The following RGS6 variants were observed in gnomAD, a reference collection of about 807,000 sequenced individuals.
RGS6 encodes the protein regulator of G protein signaling 6.
In RGS6, 30 loss-of-function variants were observed where a neutral mutation model predicts 78.5. That is an observed-to-expected ratio of 0.38 (90% CI 0.29 to 0.52). RGS6 has a LOEUF of 0.52. Among genes scored for constraint, RGS6 ranks in the 20% least tolerant of loss-of-function variants. The pLI is 0.85. For synonymous variants in RGS6, 206 were observed against 206.0 expected (o/e 1.00, Z 0.00); for missense variants, 495 against 609.7 (o/e 0.81, Z 1.98).
intron 17 of RGS6, chr14:72,547,470 T>A: frequency 1.4e-6 from 1 of 716,796 alleles, no homozygotes; most frequent in Non-Finnish European, 2.3e-6. Context: ...GTGTCCCTGG[T>A]TTGAGTTGAG....
At chr14:72,547,384 A>T (rs906201245) in intron 17 of RGS6, 25 of 1,236,642 alleles carry the variant, frequency 2.0e-5, no homozygotes, top group Non-Finnish European at 1.9e-5. Flanking sequence ...CCCCCCCCCG[A>T]CCCATGGAAG....
intron 2 of RGS6, among the ~76,000 whole-genome samples, chr14:72,310,369 T>C (rs989287387): frequency 4.6e-5 from 7 of 152,178 alleles, no homozygotes; most frequent in African/African-American, 7.2e-5. Context: ...CCTCCCTGGG[T>C]ATAAAATACT....
intron 1 of RGS6, among the ~76,000 whole-genome samples, chr14:71,939,303 G>A (rs548698754): frequency 1.3e-5 from 2 of 152,304 alleles, no homozygotes; most frequent in South Asian, 4.2e-4. Context: ...TGGGGTAGAA[G>A]GTCCCTGAAT....
chr14:72,519,630 C>T (rs1262498527), intron 15 of RGS6, among the ~76,000 whole-genome samples: 1 of 152,226 alleles, frequency 6.6e-6, no homozygotes, highest in East Asian at 1.9e-4. Context: ...CGAGCTCCAT[C>T]AAATGCCTGT....
intron 3 of RGS6, among the ~76,000 whole-genome samples, chr14:72,378,011 A>G (rs953416590): frequency 6.6e-6 from 1 of 152,174 alleles, no homozygotes; most frequent in African/African-American, 2.4e-5. Flanking sequence ...TTTATCAAGT[A>G]TTTAATCTGA....
At chr14:72,599,803 A>G in the RGS6 span, among the ~76,000 whole-genome samples, 1 of 151,898 alleles carries the variant, frequency 6.6e-6, no homozygotes, top group African/African-American at 2.4e-5. Flanking sequence ...GGAGGAACTG[A>G]TAAGATTTTA....
intron 2 of RGS6, among the ~76,000 whole-genome samples, chr14:72,129,052 G>A (rs1215365943): frequency 3.9e-5 from 6 of 152,002 alleles, no homozygotes; most frequent in Non-Finnish European, 1.5e-5. Flanking sequence ...AACTCCTATC[G>A]ATCGTTTAGA....
chr14:72,561,741 G>A (rs533580887), intron 17 of RGS6, among the ~76,000 whole-genome samples: 28 of 152,312 alleles, frequency 1.8e-4, no homozygotes, highest in Admixed American at 1.5e-3. Context: ...AGGCTTTCCT[G>A]GTATGGGGTC....
Position 72,563,135 on chromosome 14 carries a change from G to T in RGS6, c.*668G>T, listed in dbSNP as rs533979312. On this transcript the variant is annotated 3_prime_UTR_variant, in exon 18 of 18. Coordinates refer to ENST00000553525, the MANE Select transcript of RGS6 (RefSeq NM_001204424.2). ...CGTTCGGAGAGGTCCCCGCCAGCCC[G>T]GTGGCTGCCCTCAGGTCCCGTCACA... The T allele has an allele frequency of 3.6e-6, 1 of 277,554 alleles. No individual in the cohort carries two copies. Among genetic ancestry groups the T allele is most frequent in the Admixed American group, 4.3e-5 (1 of 23,402 alleles). The allele number at this position is 277,554 out of a possible 1,614,324, so 17.2% of individuals were successfully genotyped here. A position where few individuals can be genotyped will look rare whatever the true frequency, so the allele number is the denominator to read the frequency against.
chr14:72,041,347 T>G (rs112001653), intron 2 of RGS6, among the ~76,000 whole-genome samples: 11 of 152,322 alleles, frequency 7.2e-5, no homozygotes, highest in African/African-American at 2.6e-4. Flanking sequence ...GTTTGCTAAT[T>G]TCTTTTTCAA....
At chr14:72,626,821 AT>A in the RGS6 span, among the ~76,000 whole-genome samples, 2 of 152,058 alleles carry the variant, frequency 1.3e-5, no homozygotes, top group Non-Finnish European at 2.9e-5. Flanking sequence ...CATTTTTCCC[AT>A]AGCTTCATCA....
intron 3 of RGS6, among the ~76,000 whole-genome samples, chr14:72,422,026 A>C (rs1597301719): frequency 6.6e-6 from 1 of 152,190 alleles, no homozygotes; most frequent in African/African-American, 2.4e-5. Flanking sequence ...GGTCTTTCCC[A>C]TGCTGTTCTT....
chr14:72,416,144 C>CA (rs5809572), intron 3 of RGS6, among the ~76,000 whole-genome samples: 4,689 of 96,882 alleles, frequency 0.048, 229 homozygotes, highest in African/African-American at 0.15. Context: ...GACTCTGTCT[C>CA]AAAAAAAAAA....
chr14:71,931,961 G>T (rs759597073), upstream of RGS6, among the ~76,000 whole-genome samples: 1 of 152,186 alleles, frequency 6.6e-6, no homozygotes, highest in Non-Finnish European at 1.5e-5. Flanking sequence ...TGACGGTCGC[G>T]GTGTCCCGTT....
At chr14:71,890,895 A>G in the RGS6 span, among the ~76,000 whole-genome samples, 1 of 152,340 alleles carries the variant, frequency 6.6e-6, no homozygotes, top group Non-Finnish European at 1.5e-5. Context: ...TTCTTTTTAC[A>G]TCTCAAACTG....
chr14:72,479,467 C>A (rs1295917881), intron 12 of RGS6, among the ~76,000 whole-genome samples: 1 of 152,216 alleles, frequency 6.6e-6, no homozygotes, highest in East Asian at 1.9e-4. Context: ...AGTAGTCCCC[C>A]ACCACCACAG....
Position 72,155,543 on chromosome 14 carries a change from T to C in RGS6, c.84+190668T>C, listed in dbSNP as rs141709612. ...GGAGAAATGACCTGTTACCAAAGTG[T>C]CATGAAACCCACATTAATGAGCTGG... On this transcript the variant is annotated intron_variant, in intron 2 of 17. Coordinates refer to ENST00000553525, the MANE Select transcript of RGS6 (RefSeq NM_001204424.2). Among the ~76,000 whole-genome samples, 967 of 152,338 alleles carry C rather than the reference T, an allele frequency of 6.3e-3. 6 individuals carry two copies. The highest frequency in any genetic ancestry group is 0.037 in the Middle Eastern group (11 of 294).
At chr14:72,045,025 C>G (rs1407206371) in intron 2 of RGS6, among the ~76,000 whole-genome samples, 1 of 152,192 alleles carries the variant, frequency 6.6e-6, no homozygotes, top group Non-Finnish European at 1.5e-5. Flanking sequence ...GATTCTCAGG[C>G]TTTTGAGCTT....
At chr14:72,065,521 C>A (rs2094100885) in intron 2 of RGS6, among the ~76,000 whole-genome samples, 1 of 151,998 alleles carries the variant, frequency 6.6e-6, no homozygotes, top group African/African-American at 2.4e-5. Context: ...TATAATTTAC[C>A]CATGCTTGAC....
Sources: gnomAD v4.1 joint callset for allele counts (sites outside exome capture counted in the v4.1 genomes callset) on GRCh38, gnomAD v4.1.1 for gene constraint, MANE v1.5 for transcripts, NCBI Gene and HGNC (gene_info 2026-07-23, HGNC 2026-07-21) for gene names.